The following SDK1 variants were observed in gnomAD, a reference collection of about 807,000 sequenced individuals.
The protein encoded by SDK1 is sidekick cell adhesion molecule 1.
Under a neutral mutation model 245.5 loss-of-function variants are expected in SDK1, and 157 were observed. That is an observed-to-expected ratio of 0.64 (90% CI 0.56 to 0.73). The LOEUF (loss-of-function observed/expected upper bound fraction) is 0.73. Among genes scored for constraint, SDK1 ranks in the 30% least tolerant of loss-of-function variants. The pLI is 0.00. For missense variants in SDK1, 3,583 were observed against 3,002.3 expected (o/e 1.19, Z -4.52); for synonymous variants, 1,647 against 1,278.5 (o/e 1.29, Z -6.15).
intron 2 of SDK1, among the ~76,000 whole-genome samples, chr7:3,630,789 A>G (rs1467292307): frequency 6.6e-6 from 1 of 151,784 alleles, no homozygotes; most frequent in Non-Finnish European, 1.5e-5. Flanking sequence ...CACTGTGTTT[A>G]TATATCTGAA....
rs79424276 is a variant in SDK1 at position 3,488,150 on chromosome 7, T to G, written c.299-130930T>G. Among the ~76,000 whole-genome samples, 827 of 152,330 alleles carry G rather than the reference T, an allele frequency of 5.4e-3. 6 individuals are homozygous for G. Among genetic ancestry groups the G allele is most frequent in the African/African-American group, 0.019 (797 of 41,562 alleles). On this transcript the variant is annotated intron_variant, in intron 1 of 44. Coordinates refer to ENST00000404826, the MANE Select transcript of SDK1 (RefSeq NM_152744.4). The stretch of plus-strand genomic sequence containing the variant: ...TCTTTACTTTGCCATTGCTGTGTGT[T>G]TTCCGATGCCTTTAATTGAATGACT...
At chr7:3,481,990 A>G (rs1781535679) in intron 1 of SDK1, among the ~76,000 whole-genome samples, 1 of 151,698 alleles carries the variant, frequency 6.6e-6, no homozygotes, top group Non-Finnish European at 1.5e-5. Flanking sequence ...GCAAAGCTTG[A>G]AAAAAATATA....
At chr7:3,375,555 A>T (rs988381622) in intron 1 of SDK1, among the ~76,000 whole-genome samples, 3 of 152,202 alleles carry the variant, frequency 2.0e-5, no homozygotes, top group African/African-American at 7.2e-5. Context: ...TTCCAAGGGT[A>T]AATCATACAA....
At chr7:3,730,968 T>G (rs1583351237) in intron 4 of SDK1, among the ~76,000 whole-genome samples, 1 of 152,152 alleles carries the variant, frequency 6.6e-6, no homozygotes, top group East Asian at 1.9e-4. Flanking sequence ...TTTTGAAAAT[T>G]TTGGTTCTCA....
chr7:3,949,064 A>G (rs1178546041), intron 5 of SDK1, among the ~76,000 whole-genome samples: 3 of 152,140 alleles, frequency 2.0e-5, no homozygotes, highest in Non-Finnish European at 4.4e-5. Flanking sequence ...GGACTCTGCC[A>G]TCTTCTCAGA....
In SDK1 at chr7:4,158,317, G is replaced by A; in HGVS notation, c.4626-131G>A. On this transcript the variant is annotated intron_variant, in intron 30 of 44. Transcript: ENST00000404826. Reference sequence around the variant, plus strand: ...CAGCCTCCTTGCTAAGCTGTCTCGGGCCCACACAGGAGCCCAGAGCTCTCA... The same window carrying A: ...CAGCCTCCTTGCTAAGCTGTCTCGGACCCACACAGGAGCCCAGAGCTCTCA... 8.9e-6 allele frequency: 6 copies of A among 676,468 alleles called. No individual in the cohort carries two copies. The South Asian group carries it at 9.2e-5, about 10-fold the overall frequency. 41.9% of individuals were successfully genotyped at this position (676,468 alleles called of 1,614,324 possible).
intron 34 of SDK1, among the ~76,000 whole-genome samples, chr7:4,178,160 C>G (rs1014963880): frequency 6.6e-6 from 1 of 152,204 alleles, no homozygotes; most frequent in Non-Finnish European, 1.5e-5. Flanking sequence ...GACCTGGTTC[C>G]TAACAGGCTA....
intron 5 of SDK1, among the ~76,000 whole-genome samples, chr7:3,915,311 C>T (rs1311702743): frequency 6.6e-6 from 1 of 152,102 alleles, no homozygotes; most frequent in Non-Finnish European, 1.5e-5. Flanking sequence ...AGAGCATGTA[C>T]CCTGATGTGG....
chr7:3,747,569 A>G (rs1327030708), intron 4 of SDK1, among the ~76,000 whole-genome samples: 2 of 152,234 alleles, frequency 1.3e-5, no homozygotes, highest in Non-Finnish European at 2.9e-5. Context: ...GGAATAGAGT[A>G]GTGATGAAAA....
At chr7:3,431,830 A>G (rs1779855675) in intron 1 of SDK1, among the ~76,000 whole-genome samples, 1 of 152,128 alleles carries the variant, frequency 6.6e-6, no homozygotes, top group African/African-American at 2.4e-5. Context: ...TATGTGAGCA[A>G]ACTGAATAAT....
At chr7:3,678,370 G>A (rs748249001) in intron 4 of SDK1, among the ~76,000 whole-genome samples, 26 of 152,190 alleles carry the variant, frequency 1.7e-4, no homozygotes, top group Non-Finnish European at 3.2e-4. Flanking sequence ...AATAATCTAA[G>A]TGTCCATCAG....
intron 4 of SDK1, among the ~76,000 whole-genome samples, chr7:3,781,739 C>A (rs998822999): frequency 2.0e-5 from 3 of 151,404 alleles, no homozygotes; most frequent in African/African-American, 7.3e-5. Context: ...TAAAAAAAAA[C>A]AAATCTTAGA....
chr7:3,823,283 C>T (rs991047184), intron 5 of SDK1, among the ~76,000 whole-genome samples: 3 of 152,038 alleles, frequency 2.0e-5, no homozygotes, highest in Non-Finnish European at 4.4e-5. Context: ...ACAGGTAGAG[C>T]CATTTATCTT....
chr7:3,964,352 C>T (rs1415264691), intron 9 of SDK1, among the ~76,000 whole-genome samples: 1 of 152,184 alleles, frequency 6.6e-6, no homozygotes, highest in Non-Finnish European at 1.5e-5. Flanking sequence ...CGCACTAAGC[C>T]CTCCTCTTTC....
At chr7:3,875,892 C>T (rs558780646) in intron 5 of SDK1, among the ~76,000 whole-genome samples, 1 of 152,180 alleles carries the variant, frequency 6.6e-6, no homozygotes. Context: ...GGTGTCCCCT[C>T]CTTAACTCCT....
At chr7:3,595,166 G>A (rs1218613962) in intron 1 of SDK1, among the ~76,000 whole-genome samples, 1 of 151,930 alleles carries the variant, frequency 6.6e-6, no homozygotes, top group South Asian at 2.1e-4. Context: ...AATAATGTGA[G>A]CTTTTTCAGC....
chr7:3,425,323 T>C (rs1779645707), intron 1 of SDK1, among the ~76,000 whole-genome samples: 1 of 152,174 alleles, frequency 6.6e-6, no homozygotes, highest in Non-Finnish European at 1.5e-5. Flanking sequence ...GAATGACTGG[T>C]ATAAATCAAG....
chr7:3,763,777 A>G (rs184081345), intron 4 of SDK1, among the ~76,000 whole-genome samples: 79 of 152,346 alleles, frequency 5.2e-4, no homozygotes, highest in Non-Finnish European at 8.1e-4. Flanking sequence ...TCATGAGTGT[A>G]TAGTTTAAAA....
At chr7:4,072,439 G>A (rs1036347769) in intron 20 of SDK1, among the ~76,000 whole-genome samples, 4 of 152,210 alleles carry the variant, frequency 2.6e-5, no homozygotes, top group African/African-American at 9.6e-5. Context: ...GAGGAGATGA[G>A]ATCGGATGTT....
Sources: gnomAD v4.1 joint callset for allele counts (sites outside exome capture counted in the v4.1 genomes callset) on GRCh38, gnomAD v4.1.1 for gene constraint, MANE v1.5 for transcripts, NCBI Gene and HGNC (gene_info 2026-07-23, HGNC 2026-07-21) for gene names.